The following ARL15 variants were observed in gnomAD, a reference collection of about 807,000 sequenced individuals.
ARL15 encodes the protein ADP-ribosylation factor-like protein 15.
Under a neutral mutation model 25.2 loss-of-function variants are expected in ARL15, and 19 were observed. The ratio of observed to expected loss-of-function variants is 0.75; its 90% CI spans 0.53 to 1.10. ARL15 has a LOEUF of 1.10. Among genes scored for constraint, ARL15 ranks in the 50% least tolerant of loss-of-function variants. The pLI is 0.00. For missense variants in ARL15, 220 were observed against 246.0 expected, an observed-to-expected ratio of 0.89 and a Z score of 0.71; for synonymous variants, 94 against 86.8, an observed-to-expected ratio of 1.08 and a Z score of -0.46.
chr5:54,144,948 A>C (rs527241817), intron 3 of ARL15, among the ~76,000 whole-genome samples: 48 of 152,354 alleles, frequency 3.2e-4, no homozygotes, highest in African/African-American at 1.1e-3. Flanking sequence ...CCTTTGATTA[A>C]TAATCCTGAC....
chr5:54,035,389 TA>T (rs1187418698), intron 4 of ARL15, among the ~76,000 whole-genome samples: 1 of 152,102 alleles, frequency 6.6e-6, no homozygotes. Flanking sequence ...AAAGTAACTT[TA>T]AAAAAAACTT....
intron 4 of ARL15, among the ~76,000 whole-genome samples, chr5:54,017,484 T>C (rs1749461374): frequency 6.6e-6 from 1 of 151,576 alleles, no homozygotes; most frequent in Non-Finnish European, 1.5e-5. Flanking sequence ...TATGATAACT[T>C]CACTACTAGC....
At chr5:54,221,292 G>C (rs1725310424) in intron 1 of ARL15, among the ~76,000 whole-genome samples, 1 of 152,120 alleles carries the variant, frequency 6.6e-6, no homozygotes, top group African/African-American at 2.4e-5. Context: ...CTTTAATAGG[G>C]GTTTTACACA....
chr5:53,900,442 A>G (rs913077487), intron 4 of ARL15, among the ~76,000 whole-genome samples: 17 of 152,148 alleles, frequency 1.1e-4, no homozygotes, highest in African/African-American at 4.1e-4. Context: ...AAGCATCTCC[A>G]CAAGTCTCTG....
intron 4 of ARL15, among the ~76,000 whole-genome samples, chr5:54,008,870 C>T (rs928204812): frequency 1.3e-5 from 2 of 152,156 alleles, no homozygotes; most frequent in Non-Finnish European, 2.9e-5. Context: ...AATCATTTTG[C>T]ATCTCTGTTA....
chr5:54,217,652 G>T (rs962561030), intron 1 of ARL15, among the ~76,000 whole-genome samples: 4 of 152,050 alleles, frequency 2.6e-5, no homozygotes, highest in Non-Finnish European at 4.4e-5. Context: ...GGGGTAAAAA[G>T]AAATAAACAT....
At chr5:54,166,529 A>G (rs1412581420) in intron 2 of ARL15, among the ~76,000 whole-genome samples, 1 of 152,080 alleles carries the variant, frequency 6.6e-6, no homozygotes, top group Non-Finnish European at 1.5e-5. Flanking sequence ...TTTGGGGTTC[A>G]GTGAGCTTCT....
chr5:54,227,258 G>A (rs758255751), intron 1 of ARL15, among the ~76,000 whole-genome samples: 4 of 152,186 alleles, frequency 2.6e-5, no homozygotes, highest in Non-Finnish European at 4.4e-5. Flanking sequence ...CACTGGGGAA[G>A]GAGGAGGCCT....
At chr5:54,175,507 G>A (rs1754842100) in intron 1 of ARL15, among the ~76,000 whole-genome samples, 1 of 151,830 alleles carries the variant, frequency 6.6e-6, no homozygotes, top group Non-Finnish European at 1.5e-5. Context: ...GCTAATTTTT[G>A]TATTTTTAGT....
intron 4 of ARL15, among the ~76,000 whole-genome samples, chr5:53,913,035 C>T (rs1745516927): frequency 6.6e-6 from 1 of 152,194 alleles, no homozygotes; most frequent in Non-Finnish European, 1.5e-5. Flanking sequence ...CATGCTGGCT[C>T]ACGCCTGTAA....
At chr5:54,295,214 C>T (rs773067745) in intron 1 of ARL15, among the ~76,000 whole-genome samples, 3 of 152,064 alleles carry the variant, frequency 2.0e-5, no homozygotes, top group African/African-American at 4.8e-5. Flanking sequence ...AACTATTTCA[C>T]GTGAATATTA....
At chr5:54,292,409 C>A (rs1028627701) in intron 1 of ARL15, among the ~76,000 whole-genome samples, 3 of 152,144 alleles carry the variant, frequency 2.0e-5, no homozygotes, top group Admixed American at 2.0e-4. Context: ...GATAAGCAAG[C>A]CACTGAAACT....
At chr5:53,903,153 C>A (rs1250560202) in intron 4 of ARL15, among the ~76,000 whole-genome samples, 1 of 152,068 alleles carries the variant, frequency 6.6e-6, no homozygotes, top group African/African-American at 2.4e-5. Context: ...CAGTACAAAG[C>A]CTGTGAAAGA....
chr5:54,163,356 C>CTTTTTTTTTTTTTTTTTTTT (rs869196680), intron 2 of ARL15, among the ~76,000 whole-genome samples: 6 of 55,650 alleles, frequency 1.1e-4, no homozygotes, highest in Non-Finnish European at 2.1e-4. Flanking sequence ...TGGTATGAAG[C>CTTTTTTTTTTTTTTTTTTTT]TTTTTTTTTT....
At chr5:53,920,511 A>T (rs1399328661) in intron 4 of ARL15, among the ~76,000 whole-genome samples, 5 of 151,986 alleles carry the variant, frequency 3.3e-5, no homozygotes, top group African/African-American at 4.8e-5. Context: ...ATTTTTTTTT[A>T]AAAAGTATCT....
intron 1 of ARL15, among the ~76,000 whole-genome samples, chr5:54,242,783 AC>A (rs1426729677): frequency 1.3e-5 from 2 of 152,152 alleles, no homozygotes; most frequent in Non-Finnish European, 2.9e-5. Context: ...AGTTGCACTT[AC>A]CCCTTTTTTT....
chr5:54,155,622 T>C (rs1754204399), intron 2 of ARL15, among the ~76,000 whole-genome samples: 1 of 152,054 alleles, frequency 6.6e-6, no homozygotes, highest in East Asian at 1.9e-4. Context: ...ATGACTTAAC[T>C]ATTACCATTC....
intron 4 of ARL15, among the ~76,000 whole-genome samples, chr5:53,927,209 T>C (rs1386937982): frequency 1.3e-5 from 2 of 152,144 alleles, no homozygotes; most frequent in South Asian, 2.1e-4. Context: ...ATTCCTCAAA[T>C]TTCTAAATCC....
intron 4 of ARL15, among the ~76,000 whole-genome samples, chr5:53,918,450 C>T (rs1745728269): frequency 6.6e-6 from 1 of 152,132 alleles, no homozygotes; most frequent in Non-Finnish European, 1.5e-5. Flanking sequence ...CCTTGGCCTC[C>T]CAAAGTGCTG....
Sources: allele counts gnomAD v4.1 joint callset (sites outside exome capture counted in the v4.1 genomes callset), GRCh38; gene constraint gnomAD v4.1.1; transcripts MANE v1.5; gene names NCBI Gene and HGNC (gene_info 2026-07-23, HGNC 2026-07-21).